DIAPH3: variants seen among roughly 807,000 people sequenced by gnomAD.
DIAPH3 encodes protein diaphanous homolog 3.
A neutral mutation model predicts 144.3 loss-of-function variants in DIAPH3; 117 were observed. The ratio of observed to expected loss-of-function variants is 0.81; its 90% CI spans 0.70 to 0.95. The LOEUF is 0.95. DIAPH3 is among the 40% of genes least tolerant of loss of function. The pLI is 0.00. For synonymous variants in DIAPH3, 519 were observed against 488.9 expected, an observed-to-expected ratio of 1.06 and a Z score of -0.81; for missense variants, 1,421 against 1,412.7, an observed-to-expected ratio of 1.01 and a Z score of -0.09.
At chr13:60,030,015 T>G (rs1465732368) in intron 5 of DIAPH3, among the ~76,000 whole-genome samples, 1 of 152,132 alleles carries the variant, frequency 6.6e-6, no homozygotes, top group Non-Finnish European at 1.5e-5. Context: ...CCACCTCATG[T>G]TCAGTACTAC....
chr13:59,790,651 T>C (rs950492017), intron 25 of DIAPH3, among the ~76,000 whole-genome samples: 2 of 150,770 alleles, frequency 1.3e-5, no homozygotes, highest in African/African-American at 2.4e-5. Flanking sequence ...AACAGCAACA[T>C]TGTTTTGAAA....
intron 27 of DIAPH3, among the ~76,000 whole-genome samples, chr13:59,679,757 T>C (rs1384334897): frequency 6.6e-6 from 1 of 151,932 alleles, no homozygotes; most frequent in Non-Finnish European, 1.5e-5. Flanking sequence ...TGGAGACCCA[T>C]ATTGGCCATA....
chr13:59,894,985 C>G (rs1203333780), intron 20 of DIAPH3, among the ~76,000 whole-genome samples: 1 of 151,982 alleles, frequency 6.6e-6, no homozygotes, highest in African/African-American at 2.4e-5. Flanking sequence ...CAACAAGGAA[C>G]AAAATATTGA....
At chr13:59,856,685 T>A (rs1022914023) in intron 22 of DIAPH3, among the ~76,000 whole-genome samples, 2 of 152,178 alleles carry the variant, frequency 1.3e-5, no homozygotes, top group African/African-American at 4.8e-5. Context: ...CCAAACATAG[T>A]CAAGTTCTGA....
chr13:60,021,600 C>T (rs772719491), intron 5 of DIAPH3, among the ~76,000 whole-genome samples: 1 of 148,288 alleles, frequency 6.7e-6, no homozygotes, highest in Non-Finnish European at 1.5e-5. Flanking sequence ...CCATCTTGCC[C>T]AGACAACAAG....
At chr13:59,803,795 C>T (rs995573566) in intron 25 of DIAPH3, among the ~76,000 whole-genome samples, 2 of 152,130 alleles carry the variant, frequency 1.3e-5, no homozygotes, top group African/African-American at 4.8e-5. Context: ...AAAGAGATGC[C>T]TGCACATAAG....
intron 23 of DIAPH3, among the ~76,000 whole-genome samples, chr13:59,837,232 T>C (rs779292200): frequency 7.2e-5 from 11 of 152,078 alleles, no homozygotes; most frequent in Non-Finnish European, 1.5e-4. Flanking sequence ...CAGGATGTAG[T>C]AGCTTTCTTG....
intron 4 of DIAPH3, among the ~76,000 whole-genome samples, chr13:60,066,531 T>C (rs1022053482): frequency 6.6e-6 from 1 of 152,186 alleles, no homozygotes; most frequent in Non-Finnish European, 1.5e-5. Context: ...ACCAGTGCAA[T>C]GTCACTGAAT....
chr13:59,846,567 T>C (rs2042643751), intron 22 of DIAPH3, among the ~76,000 whole-genome samples: 1 of 152,006 alleles, frequency 6.6e-6, no homozygotes, highest in African/African-American at 2.4e-5. Flanking sequence ...CAAGTTAAAA[T>C]AATAAAATTG....
chr13:59,911,739 A>T lies in DIAPH3; in HGVS notation c.2363T>A (p.Val788Asp). The T allele has an allele frequency of 2.5e-6, 4 of 1,613,046 alleles. No individual in the cohort carries two copies. The highest frequency in any genetic ancestry group is 3.4e-6 in the Non-Finnish European group (4 of 1,179,152). Residue 788 changes from valine to aspartate, a missense_variant, in exon 20 of 28, where the codon GTT becomes GAT. By Grantham distance (152) the Val-to-Asp change is radical. Coordinates refer to ENST00000400324, the MANE Select transcript of DIAPH3 (RefSeq NM_001042517.2). ...TCTCTGAGACTCGGTACTTACCACA[A>T]CCACAAACTGCTCAGGTTCACATAA... The part of the protein sequence containing the change: ...SNLCEPEQFV[V>D]VMSNVKRLRP...
chr13:59,992,239 AAAG>A (rs1256474360), intron 10 of DIAPH3, 53 bp from the exon 11 acceptor site: 11 of 1,414,732 alleles, frequency 7.8e-6, no homozygotes, highest in Non-Finnish European at 1.1e-5. Context: ...TAATTATGCA[AAAG>A]AATAAAAAAC....
At chr13:59,929,438 A>T (rs1354844275) in intron 17 of DIAPH3, among the ~76,000 whole-genome samples, 1 of 134,070 alleles carries the variant, frequency 7.5e-6, no homozygotes, top group East Asian at 1.9e-4. Flanking sequence ...GTTCTGCTAC[A>T]TTATTCTCTG....
At chr13:60,099,951 G>A (rs193230003) in intron 3 of DIAPH3, among the ~76,000 whole-genome samples, 75 of 140,198 alleles carry the variant, frequency 5.3e-4, no homozygotes, top group African/African-American at 2.3e-3. Context: ...AAGGAAGGAA[G>A]GAAGGAAGGA....
At chr13:60,118,583 A>C (rs2058755942) in intron 2 of DIAPH3, among the ~76,000 whole-genome samples, 1 of 151,934 alleles carries the variant, frequency 6.6e-6, no homozygotes. Context: ...TTTTCAGGCA[A>C]TCTTACACGA....
chr13:59,779,952 T>A (rs1593832740), intron 25 of DIAPH3, among the ~76,000 whole-genome samples: 1 of 152,198 alleles, frequency 6.6e-6, no homozygotes, highest in African/African-American at 2.4e-5. Context: ...AAGAAGATGT[T>A]CTTCCAAATG....
intron 20 of DIAPH3, among the ~76,000 whole-genome samples, chr13:59,910,885 G>C (rs891431708): frequency 3.3e-5 from 5 of 151,058 alleles, no homozygotes; most frequent in Admixed American, 3.3e-4. Context: ...GAAGAGATAG[G>C]AAGGAATGTA....
intron 15 of DIAPH3, among the ~76,000 whole-genome samples, chr13:59,973,363 TG>T (rs1209091078): frequency 6.6e-6 from 1 of 151,992 alleles, no homozygotes; most frequent in African/African-American, 2.4e-5. Flanking sequence ...TAACTCAGTC[TG>T]AAGTACAGAC....
At position 60,075,008 on chromosome 13, in the gene DIAPH3, T is replaced by A. The variant is rs528699316; in HGVS notation, c.495+18620A>T. Among the ~76,000 whole-genome samples the A allele has an allele frequency of 2.0e-5, 3 of 152,316 alleles. No individual in the cohort carries two copies. In the South Asian group the frequency reaches 6.2e-4, roughly 32 times the overall value. ...AATAGGTTCAAAATAGTGGAACCAT[T>A]ACATCAGTAGGGTATACAAGTTTTT... On this transcript the variant is annotated intron_variant, in intron 4 of 27. Transcript: ENST00000400324.
rs146665785 is a variant in DIAPH3, at chr13:59,911,266, C to G, written c.2367+469G>C. On this transcript the variant is annotated intron_variant, in intron 20 of 27. Coordinates refer to ENST00000400324, the MANE Select transcript of DIAPH3 (RefSeq NM_001042517.2). Reference sequence around the variant, plus strand: ...TAAAAGGCTGGAGCAAGATGATTATCAAAGATTTTCTAAAATGAATTCATT... The same window carrying G: ...TAAAAGGCTGGAGCAAGATGATTATGAAAGATTTTCTAAAATGAATTCATT... Among the ~76,000 whole-genome samples the G allele has an allele frequency of 9.5e-3, 1,450 of 152,172 alleles. 11 individuals carry two copies. Among genetic ancestry groups the G allele is most frequent in the Non-Finnish European group, 0.016 (1,060 of 67,980 alleles).
Sources: allele counts gnomAD v4.1 joint callset (sites outside exome capture counted in the v4.1 genomes callset), GRCh38; gene constraint gnomAD v4.1.1; transcripts MANE v1.5; gene names NCBI Gene and HGNC (gene_info 2026-07-23, HGNC 2026-07-21).